The following MEIS1 variants were observed in gnomAD, a reference collection of about 807,000 sequenced individuals.
MEIS1 encodes Meis homeobox 1, also known as homeobox protein Meis1.
MEIS1 carries 5 observed loss-of-function variants against 50.8 expected under a neutral mutation model. That is an observed-to-expected ratio of 0.10 (90% confidence interval 0.05 to 0.21). The LOEUF is 0.21. Ranked by LOEUF, MEIS1 falls within the 10% of genes least tolerant of loss-of-function variation. MEIS1 has a pLI of 1.00. For synonymous variants in MEIS1, 176 were observed against 179.3 expected (o/e 0.98, Z 0.15); for missense variants, 318 against 517.3 (o/e 0.61, Z 3.74).
chr2:66,436,949 TAAC>T, intron 1 of MEIS1: 2 of 984,712 alleles, frequency 2.0e-6, no homozygotes, highest in Non-Finnish European at 2.4e-6. Context: ...ACCTGGTGAG[TAAC>T]ATTTGCCTCC....
chr2:66,535,917 A>G (rs1214556350), intron 8 of MEIS1, among the ~76,000 whole-genome samples: 3 of 152,258 alleles, frequency 2.0e-5, no homozygotes, highest in African/African-American at 4.8e-5. Flanking sequence ...CACAGAATAG[A>G]GAAAATTAAA....
chr2:66,503,668 T>C (rs1673611848), intron 7 of MEIS1, among the ~76,000 whole-genome samples: 1 of 85,238 alleles, frequency 1.2e-5, no homozygotes, highest in South Asian at 4.1e-4. Flanking sequence ...GGGACATCAA[T>C]AGGTTGTTAA....
intron 9 of MEIS1, among the ~76,000 whole-genome samples, chr2:66,553,782 C>T (rs904149562): frequency 1.3e-5 from 2 of 152,150 alleles, no homozygotes; most frequent in African/African-American, 4.8e-5. Context: ...AAGTTTTACA[C>T]CATAAGTTTA....
chr2:66,504,664 T>C (rs1178792927), intron 7 of MEIS1, among the ~76,000 whole-genome samples: 2 of 152,200 alleles, frequency 1.3e-5, no homozygotes, highest in African/African-American at 4.8e-5. Context: ...GTGCCAATAA[T>C]ACGTTTATTT....
intron 8 of MEIS1, among the ~76,000 whole-genome samples, chr2:66,514,681 G>A (rs552540900): frequency 6.6e-6 from 1 of 152,296 alleles, no homozygotes; most frequent in South Asian, 2.1e-4. Flanking sequence ...ATAATGGTCT[G>A]TAGATAGCTA....
chr2:66,485,001 G>A (rs1673105715), intron 7 of MEIS1, among the ~76,000 whole-genome samples: 1 of 152,054 alleles, frequency 6.6e-6, no homozygotes, highest in Admixed American at 6.6e-5. Flanking sequence ...TTTTTGGGGG[G>A]AAGTTTTATG....
At chr2:66,439,070 TCTTC>T (rs1448530415) in intron 2 of MEIS1, 1 of 147,506 alleles carries the variant, frequency 6.8e-6, no homozygotes, top group Non-Finnish European at 1.5e-5. Context: ...CTTTCTTTCT[TCTTC>T]TTCTTCTTTT....
At chr2:66,474,647 G>T (rs1672847025) in intron 7 of MEIS1, among the ~76,000 whole-genome samples, 1 of 152,122 alleles carries the variant, frequency 6.6e-6, no homozygotes, top group Non-Finnish European at 1.5e-5. Context: ...GTTGGGTTTT[G>T]CTCAAGTGTC....
At position 66,450,913 on chromosome 2, in the gene MEIS1, C is replaced by G. The variant is rs547562447; in HGVS notation, c.630+7865C>G. 5.9e-5 allele frequency among the ~76,000 whole-genome samples: 9 copies of G among 152,150 alleles called. 1 individual carries two copies. The highest frequency in any genetic ancestry group is 1.9e-4 in the African/African-American group (8 of 41,534). The stretch of plus-strand genomic sequence containing the variant: ...GATAGAACTATATCTCTTTCTTTTT[C>G]TGATCACTTTTTTTTCTGCCCTTTG... On this transcript the variant is annotated intron_variant, in intron 6 of 12. Coordinates refer to ENST00000272369, the MANE Select transcript of MEIS1 (RefSeq NM_002398.3).
chr2:66,443,079 G>GAA, intron 6 of MEIS1, 31 bp downstream of exon 6: 2 of 1,246,572 alleles, frequency 1.6e-6, no homozygotes, highest in Non-Finnish European at 2.2e-6. Context: ...ACATCCCTGG[G>GAA]AAAAAAAAAA....
intron 8 of MEIS1, among the ~76,000 whole-genome samples, chr2:66,524,192 G>A (rs140276196): frequency 6.1e-4 from 93 of 152,246 alleles, no homozygotes; most frequent in African/African-American, 2.0e-3. Flanking sequence ...GACAATAATT[G>A]CTCAACTACC....
chr2:66,460,613 C>T (rs1041147992), intron 6 of MEIS1, among the ~76,000 whole-genome samples: 8 of 152,184 alleles, frequency 5.3e-5, no homozygotes, highest in African/African-American at 1.9e-4. Context: ...TTTCTAGCTG[C>T]CTGCCTCCAT....
At chr2:66,534,280 A>G (rs1357123812) in intron 8 of MEIS1, among the ~76,000 whole-genome samples, 16 of 152,208 alleles carry the variant, frequency 1.1e-4, no homozygotes, top group Admixed American at 1.0e-3. Context: ...TCACACCTGT[A>G]ATCCCAGCAC....
chr2:66,440,205 C>T, intron 3 of MEIS1: 1 of 604,968 alleles, frequency 1.7e-6, no homozygotes, highest in South Asian at 2.1e-5. Flanking sequence ...TTAAAATCAC[C>T]CATCTGCATC....
intron 7 of MEIS1, among the ~76,000 whole-genome samples, chr2:66,510,243 A>G (rs1354048348): frequency 6.6e-6 from 1 of 152,228 alleles, no homozygotes; most frequent in East Asian, 1.9e-4. Context: ...CAAAGAATTT[A>G]TTAGGCAAAT....
chr2:66,564,658 T>C (rs1675295406), intron 9 of MEIS1, among the ~76,000 whole-genome samples: 1 of 152,122 alleles, frequency 6.6e-6, no homozygotes, highest in African/African-American at 2.4e-5. Flanking sequence ...AAAATTAGAA[T>C]TGCTTACAGT....
At chr2:66,443,871 C>G (rs1672062880) in intron 6 of MEIS1, 1 of 152,456 alleles carries the variant, frequency 6.6e-6, no homozygotes, top group South Asian at 2.1e-4. Context: ...TTGCTGCACC[C>G]TCTCCTCTCC....
intron 4 of MEIS1, 102 bp from the exon 5 acceptor site, chr2:66,441,311 TC>T: frequency 1.1e-6 from 1 of 932,570 alleles, no homozygotes. Context: ...TCAAAATAAC[TC>T]TATTTACTGG....
At chr2:66,487,754 A>G in intron 7 of MEIS1, among the ~76,000 whole-genome samples, 1 of 152,224 alleles carries the variant, frequency 6.6e-6, no homozygotes, top group Non-Finnish European at 1.5e-5. Flanking sequence ...AATAAAGTAA[A>G]TTGAGCTAGG....
Sources: gnomAD v4.1 joint callset for allele counts (sites outside exome capture counted in the v4.1 genomes callset) on GRCh38, gnomAD v4.1.1 for gene constraint, MANE v1.5 for transcripts, NCBI Gene and HGNC (gene_info 2026-07-23, HGNC 2026-07-21) for gene names.